OPTC: variants seen among roughly 807,000 people sequenced by gnomAD.
OPTC encodes opticin, also known as oculoglycan.
Under a neutral mutation model 25.4 loss-of-function variants are expected in OPTC, and 22 were observed. That is an observed-to-expected ratio of 0.87 (90% CI 0.62 to 1.24). OPTC has a LOEUF of 1.24. OPTC is among the 50% of genes most tolerant of loss of function. The probability of loss-of-function intolerance (pLI) is 0.00; values close to 1 mark genes in which losing one functional copy is unlikely to be tolerated. For synonymous variants in OPTC, 169 were observed against 179.3 expected, an observed-to-expected ratio of 0.94 and a Z score of 0.46; for missense variants, 417 against 425.2, an observed-to-expected ratio of 0.98 and a Z score of 0.17.
chr1:203,508,458 G>A (rs1333044711), intron 7 of OPTC, among the ~76,000 whole-genome samples, 188 bp from the exon 8 acceptor site: 2 of 152,106 alleles, frequency 1.3e-5, no homozygotes, highest in Non-Finnish European at 2.9e-5. Flanking sequence ...ACCCCTACAT[G>A]CCTGTGTCTG....
chr1:203,503,123 C>A, intron 6 of OPTC, 114 bp downstream of exon 6: 1 of 800,462 alleles, frequency 1.2e-6, no homozygotes, highest in South Asian at 1.4e-5. Flanking sequence ...GTGGGGTCTC[C>A]TTGATTGGAG....
chr1:203,496,893 CCATCACTGAGGTT>C lies in OPTC; in HGVS notation c.232-82_232-70del. ...CAGTGACTCTTTGCTGGTTTGAAAT[CCATCACTGAGGTT>C]CCCAGAGTCCAAAGTTAAGTCCCTT... On this transcript the variant is annotated intron_variant, in intron 2 of 7. Transcript: ENST00000367222. 2.8e-6 allele frequency: 4 copies of C among 1,427,932 alleles called. 1 individual carries two copies. The South Asian group carries it at 4.6e-5, about 16-fold the overall frequency. 88.5% of individuals were successfully genotyped at this position (1,427,932 alleles called of 1,614,324 possible). A position where few individuals can be genotyped will look rare whatever the true frequency, so the allele number is the denominator to read the frequency against.
rs1214743102 is a variant in OPTC, at chr1:203,508,728, G to T, written c.*108G>T. 2 of 152,230 alleles carry T rather than the reference G, an allele frequency of 1.3e-5. No individual in the cohort carries two copies. The highest frequency in any genetic ancestry group is 4.8e-5 in the African/African-American group (2 of 41,424). 9.4% of individuals were successfully genotyped at this position (152,230 alleles called of 1,614,324 possible). ...CCCTCCTGTGGCCGCCGGCAGCATGGACAAAGGTCTCCATGCAGGGGGAGG... is the reference window on the plus strand; with the variant it reads ...CCCTCCTGTGGCCGCCGGCAGCATGTACAAAGGTCTCCATGCAGGGGGAGG... On this transcript the variant is annotated 3_prime_UTR_variant, in exon 8 of 8. Coordinates refer to ENST00000367222, the MANE Select transcript of OPTC (RefSeq NM_014359.4).
rs902646387 is a variant in OPTC at position 203,501,048 on chromosome 1, G to A, written c.732+1197G>A. ...ATCCTTTTATTTCCAAAACCCTTCAGTAAGTGACTGATGAATCATTGTCTT... is the reference window on the plus strand; with the variant it reads ...ATCCTTTTATTTCCAAAACCCTTCAATAAGTGACTGATGAATCATTGTCTT... On this transcript the variant is annotated intron_variant, in intron 5 of 7. Transcript: ENST00000367222. Among the ~76,000 whole-genome samples, 54 of 152,168 alleles carry A rather than the reference G, an allele frequency of 3.5e-4. 1 individual carries two copies. The highest frequency in any genetic ancestry group is 3.5e-3 in the Admixed American group (54 of 15,274).
chr1:203,498,510 CA>C (rs927274882), intron 3 of OPTC, among the ~76,000 whole-genome samples, 170 bp from the exon 4 acceptor site: 58 of 152,288 alleles, frequency 3.8e-4, no homozygotes, highest in African/African-American at 1.3e-3. Flanking sequence ...GACAGAGTGA[CA>C]GGGGAGCAGA....
chr1:203,497,080 C>T lies in OPTC; in HGVS notation c.335C>T (p.Thr112Ile). Reference sequence around the variant, plus strand: ...AACCCCACGATGACCAGACCTACTACAGCAGGGCTGCTACTGAGTTCCCAG... The same window carrying T: ...AACCCCACGATGACCAGACCTACTATAGCAGGGCTGCTACTGAGTTCCCAG... ...SSNPTMTRPT[T>I]AGLLLSSQPN... The change falls in exon 3 of 8, where the codon ACA (threonine) becomes ATA (isoleucine). Residue 112 changes from threonine to isoleucine, a missense_variant. Thr to Ile is a moderately conservative substitution (Grantham distance 89). Transcript: ENST00000367222. 1 of 1,614,064 alleles carries T rather than the reference C, an allele frequency of 6.2e-7. No individual in the cohort carries two copies. The highest frequency in any genetic ancestry group is 1.1e-5 in the South Asian group (1 of 91,082).
intron 3 of OPTC, 134 bp downstream of exon 3, chr1:203,497,249 G>C: frequency 2.3e-6 from 2 of 865,428 alleles, no homozygotes; most frequent in South Asian, 2.8e-5. Flanking sequence ...TTACTAGCAG[G>C]GAGAGAAGGG....
At chr1:203,499,956 C>A in intron 5 of OPTC, 105 bp downstream of exon 5, 1 of 937,956 alleles carries the variant, frequency 1.1e-6, no homozygotes, top group Non-Finnish European at 1.7e-6. Flanking sequence ...CACCACCCAC[C>A]TCCACCTCTA....
chr1:203,496,790 TG>T, intron 2 of OPTC, among the ~76,000 whole-genome samples, 186 bp from the exon 3 acceptor site: 2 of 152,162 alleles, frequency 1.3e-5, no homozygotes, highest in African/African-American at 4.8e-5. Flanking sequence ...ATCCATAGGA[TG>T]GACATGCTGG....
intron 1 of OPTC, among the ~76,000 whole-genome samples, chr1:203,494,952 A>G (rs1164661064): frequency 6.6e-6 from 1 of 152,258 alleles, no homozygotes; most frequent in African/African-American, 2.4e-5. Flanking sequence ...CCAGATGCGT[A>G]CACACTCATG....
At chr1:203,498,256 C>T (rs994416417) in intron 3 of OPTC, among the ~76,000 whole-genome samples, 3 of 152,200 alleles carry the variant, frequency 2.0e-5, no homozygotes, top group Non-Finnish European at 4.4e-5. Context: ...TGGAGCCACA[C>T]AGAACATGTC....
chr1:203,496,659 C>G (rs920637947), intron 2 of OPTC, among the ~76,000 whole-genome samples: 2 of 152,118 alleles, frequency 1.3e-5, no homozygotes. Flanking sequence ...TGAGCCTGGT[C>G]GGTGTGGAGC....
At chr1:203,496,298 C>T in intron 2 of OPTC, 62 bp downstream of exon 2, 3 of 1,251,828 alleles carry the variant, frequency 2.4e-6, no homozygotes, top group East Asian at 2.3e-5. Flanking sequence ...AGGCCAGGGC[C>T]CTCCCATCTG....
At chr1:203,498,251 C>T (rs895611235) in intron 3 of OPTC, among the ~76,000 whole-genome samples, 15 of 152,156 alleles carry the variant, frequency 9.9e-5, no homozygotes, top group African/African-American at 3.6e-4. Flanking sequence ...CTTCTTGGAG[C>T]CACACAGAAC....
intron 1 of OPTC, among the ~76,000 whole-genome samples, chr1:203,495,753 A>G (rs1297550299): frequency 6.6e-6 from 1 of 152,160 alleles, no homozygotes; most frequent in Non-Finnish European, 1.5e-5. Context: ...GTGAGCGTGT[A>G]AAAACACTCA....
intron 7 of OPTC, among the ~76,000 whole-genome samples, chr1:203,505,498 G>A (rs371454919): frequency 2.0e-5 from 3 of 152,162 alleles, no homozygotes; most frequent in Non-Finnish European, 4.4e-5. Flanking sequence ...TGGGCCACGT[G>A]GAAAGGAATC....
intron 5 of OPTC, among the ~76,000 whole-genome samples, chr1:203,500,376 A>G (rs1661372824): frequency 1.3e-5 from 1 of 77,400 alleles, no homozygotes; most frequent in Non-Finnish European, 2.5e-5. Flanking sequence ...CACCTCTACC[A>G]CCCACCTGCA....
chr1:203,503,997 A>AG (rs1424542484), intron 7 of OPTC, among the ~76,000 whole-genome samples: 1 of 152,276 alleles, frequency 6.6e-6, no homozygotes, highest in African/African-American at 2.4e-5. Flanking sequence ...CAGTGTCTGC[A>AG]GTGGAGCTCT....
chr1:203,494,724 T>G (rs1462401994), intron 1 of OPTC, among the ~76,000 whole-genome samples: 1 of 152,004 alleles, frequency 6.6e-6, no homozygotes, highest in Non-Finnish European at 1.5e-5. Flanking sequence ...TACTAGAAAC[T>G]TGTGCAGCTA....
Sources: gnomAD v4.1 joint callset for allele counts (sites outside exome capture counted in the v4.1 genomes callset) on GRCh38, gnomAD v4.1.1 for gene constraint, MANE v1.5 for transcripts, NCBI Gene and HGNC (gene_info 2026-07-23, HGNC 2026-07-21) for gene names.